CDC42BPA: variants seen among roughly 807,000 people sequenced by gnomAD.
CDC42BPA encodes the protein CDC42 binding protein kinase alpha, also known as serine/threonine-protein kinase MRCK alpha.
In CDC42BPA, 80 loss-of-function variants were observed where a neutral mutation model predicts 223.5. The observed-to-expected ratio is 0.36, with a 90% CI of 0.30 to 0.43. The LOEUF (loss-of-function observed/expected upper bound fraction) is 0.43, where lower values mean the gene tolerates loss of function less well. CDC42BPA is among the 20% of genes least tolerant of loss of function. The pLI, the probability that CDC42BPA is intolerant of heterozygous loss-of-function variation, is 1.00. For synonymous variants in CDC42BPA, 694 were observed against 718.6 expected, an observed-to-expected ratio of 0.97 and a Z score of 0.55; for missense variants, 1,743 against 2,099.9, an observed-to-expected ratio of 0.83 and a Z score of 3.32.
intron 16 of CDC42BPA, among the ~76,000 whole-genome samples, chr1:227,087,393 C>T (rs181693568): frequency 5.5e-4 from 84 of 152,162 alleles, no homozygotes; most frequent in African/African-American, 2.0e-3. Flanking sequence ...TTGGACTCTT[C>T]GTTTCATTAT....
At chr1:227,121,897 T>C (rs920983298) in intron 11 of CDC42BPA, among the ~76,000 whole-genome samples, 46 of 151,126 alleles carry the variant, frequency 3.0e-4, no homozygotes, top group African/African-American at 1.1e-3. Flanking sequence ...GCCTTCCAGG[T>C]TCAAGCAATT....
intron 5 of CDC42BPA, among the ~76,000 whole-genome samples, chr1:227,175,903 C>A (rs11808962): frequency 1.3e-5 from 2 of 152,076 alleles, no homozygotes; most frequent in Non-Finnish European, 2.9e-5. Flanking sequence ...CTCACTGCTA[C>A]GTGCTGGTCA....
In CDC42BPA at chr1:226,993,494, G is replaced by A. The variant is rs1455551386; in HGVS notation, c.*774C>T. 2.0e-5 allele frequency: 3 copies of A among 152,510 alleles called. No individual in the cohort carries two copies. Among genetic ancestry groups the A allele is most frequent in the Non-Finnish European group, 4.4e-5 (3 of 68,038 alleles). 9.4% of individuals were successfully genotyped at this position (152,510 alleles called of 1,614,324 possible). On this transcript the variant is annotated 3_prime_UTR_variant, in exon 37 of 37. Coordinates refer to ENST00000366766, the MANE Select transcript of CDC42BPA (RefSeq NM_001394014.1). ...TGCAAGTGTTTTCTACAGCTCCCCAGGTGACTAGAGCCTATGACCAGTTTG... is the reference window on the plus strand; with the variant it reads ...TGCAAGTGTTTTCTACAGCTCCCCAAGTGACTAGAGCCTATGACCAGTTTG...
chr1:227,289,961 CAGA>C (rs1329974194), intron 1 of CDC42BPA, among the ~76,000 whole-genome samples: 5 of 151,800 alleles, frequency 3.3e-5, no homozygotes, highest in African/African-American at 4.8e-5. Context: ...CACTTGAGCC[CAGA>C]AGTTTAAAGC....
intron 5 of CDC42BPA, among the ~76,000 whole-genome samples, chr1:227,186,392 T>C (rs1350415068): frequency 6.6e-6 from 1 of 152,092 alleles, no homozygotes; most frequent in Admixed American, 6.5e-5. Flanking sequence ...GCCTAATCTG[T>C]TTGGAATTTT....
Position 227,317,730 on chromosome 1 carries a change from T to G in CDC42BPA, c.-548A>C. ...TGCTGCAAATCCTCCCAACCACCACTTGGATAATGCATCAGCGGCAATTTC... is the reference window on the plus strand; with the variant it reads ...TGCTGCAAATCCTCCCAACCACCACGTGGATAATGCATCAGCGGCAATTTC... On this transcript the variant is annotated 5_prime_UTR_variant, in exon 1 of 37. Transcript: ENST00000366766. 2.5e-6 allele frequency: 1 copy of G among 398,380 alleles called. No homozygotes were observed. The highest frequency in any genetic ancestry group is 4.4e-5 in the Admixed American group (1 of 22,734). 24.7% of individuals were successfully genotyped at this position (398,380 alleles called of 1,614,324 possible).
rs1673464523 is a variant in CDC42BPA, at chr1:227,209,459, C to T, written c.354+3677G>A. 3.5e-5 allele frequency among the ~76,000 whole-genome samples: 5 copies of T among 142,418 alleles called. No individual in the cohort carries two copies. In the South Asian group the frequency reaches 6.7e-4, roughly 19 times the overall value. 93.4% of individuals were successfully genotyped at this position (142,418 alleles called of 152,430 possible). A position where few individuals can be genotyped will look rare whatever the true frequency, so the allele number is the denominator to read the frequency against. On this transcript the variant is annotated intron_variant, in intron 3 of 36. Transcript: ENST00000366766. ...CAGTTTTCAAAGGGAATGCTTCCAG[C>T]TTTTGTCCATTCAGTATGATATTGG...
rs376622333 is a variant in CDC42BPA, at chr1:227,288,707, T to C, written c.178+28298A>G. Among the ~76,000 whole-genome samples the C allele has an allele frequency of 4.7e-5, 7 of 150,168 alleles. No individual in the cohort carries two copies. In the South Asian group the frequency reaches 1.3e-3, roughly 27 times the overall value. On this transcript the variant is annotated intron_variant, in intron 1 of 36. Coordinates refer to ENST00000366766, the MANE Select transcript of CDC42BPA (RefSeq NM_001394014.1). ...CAAGACTCGGTCTCAAAAAAAAAAT[T>C]TTTAAGGCCAGGTGTGGTGGCTCAT...
chr1:227,316,759 CAT>C (rs758829708), intron 1 of CDC42BPA, among the ~76,000 whole-genome samples: 3 of 152,192 alleles, frequency 2.0e-5, no homozygotes, highest in Non-Finnish European at 4.4e-5. Context: ...GACCTAAAAA[CAT>C]AAGTTCTTCA....
At chr1:227,043,093 C>CA (rs146643273) in intron 23 of CDC42BPA, among the ~76,000 whole-genome samples, 11 of 152,154 alleles carry the variant, frequency 7.2e-5, no homozygotes, top group African/African-American at 2.4e-4. Context: ...TTCTTTTTTA[C>CA]AAAAAATTTT....
intron 32 of CDC42BPA, among the ~76,000 whole-genome samples, chr1:227,022,463 T>C (rs557513621): frequency 1.3e-5 from 2 of 152,260 alleles, no homozygotes; most frequent in South Asian, 2.1e-4. Context: ...AAATACATAA[T>C]GTACTGTAAA....
rs1275325486 is a variant in CDC42BPA at position 227,143,034 on chromosome 1, G to A, written c.1144-10C>T. The A allele has an allele frequency of 2.0e-6, 3 of 1,503,466 alleles. No individual in the cohort carries two copies. The highest frequency in any genetic ancestry group is 1.5e-5 in the African/African-American group (1 of 68,006). 93.1% of individuals were successfully genotyped at this position (1,503,466 alleles called of 1,614,324 possible). ...GTGGGGGCATCGTTTCCTAAAGGAG[G>A]AAAAAACATCTGGTAAGAAATAGAT... On this transcript the variant is annotated splice_polypyrimidine_tract_variant and intron_variant, in intron 8 of 36. Transcript: ENST00000366766.
Position 227,101,074 on chromosome 1 carries a change from G to A in CDC42BPA, c.2167C>T (p.His723Tyr). The change falls in exon 15 of 37, where the codon CAT (histidine) becomes TAT (tyrosine). Residue 723 changes from histidine (H) to tyrosine (Y), a missense_variant. By Grantham distance (83) the His-to-Tyr change is moderately conservative. This residue lies in a region of CDC42BPA where 464 missense variants were observed against 488.0 expected (regional missense o/e 0.95). Coordinates refer to ENST00000366766, the MANE Select transcript of CDC42BPA (RefSeq NM_001394014.1). ...GCAAGTTGCTGACCTTCTGAATCAT[G>A]CAGTTCTTTCTTAAGATTTTTTATT... ...NEIKNLKKEL[H>Y]DSEGQQLALN... 1 of 1,571,194 alleles carries A rather than the reference G, an allele frequency of 6.4e-7. No individual in the cohort carries two copies. Among genetic ancestry groups the A allele is most frequent in the Non-Finnish European group, 8.8e-7 (1 of 1,141,848 alleles).
intron 5 of CDC42BPA, among the ~76,000 whole-genome samples, chr1:227,166,502 C>T (rs1306649204): frequency 6.6e-6 from 1 of 152,166 alleles, no homozygotes; most frequent in Non-Finnish European, 1.5e-5. Context: ...AATTCACATA[C>T]TTTATCACCT....
At chr1:227,224,293 G>A (rs1241803943) in intron 2 of CDC42BPA, among the ~76,000 whole-genome samples, 2 of 151,228 alleles carry the variant, frequency 1.3e-5, no homozygotes, top group African/African-American at 2.4e-5. Context: ...GAGTGCAATG[G>A]TGCAGTCTCA....
At chr1:227,294,521 G>T (rs1196185531) in intron 1 of CDC42BPA, among the ~76,000 whole-genome samples, 2 of 151,984 alleles carry the variant, frequency 1.3e-5, no homozygotes, top group Non-Finnish European at 2.9e-5. Flanking sequence ...CACGAAGCAT[G>T]TGTAATAACT....
At position 227,243,477 on chromosome 1, in the gene CDC42BPA, G is replaced by T. The variant is rs572464407; in HGVS notation, c.270+10587C>A. On this transcript the variant is annotated intron_variant, in intron 2 of 36. Coordinates refer to ENST00000366766, the MANE Select transcript of CDC42BPA (RefSeq NM_001394014.1). ...AATCAGAAACCACAAAGAATAAAGTGAACTTTGACCTATACCTCAGAAAAC... is the reference window on the plus strand; with the variant it reads ...AATCAGAAACCACAAAGAATAAAGTTAACTTTGACCTATACCTCAGAAAAC... Among the ~76,000 whole-genome samples, 6 of 152,058 alleles carry T rather than the reference G, an allele frequency of 3.9e-5. No individual in the cohort carries two copies. The South Asian group carries it at 1.2e-3, about 32-fold the overall frequency.
chr1:227,279,623 A>G (rs1283746407), intron 1 of CDC42BPA, among the ~76,000 whole-genome samples: 1 of 152,140 alleles, frequency 6.6e-6, no homozygotes, highest in Admixed American at 6.6e-5. Flanking sequence ...AAGGCTTTAT[A>G]TTTGGAGACA....
At chr1:227,253,751 C>T (rs911163429) in intron 2 of CDC42BPA, among the ~76,000 whole-genome samples, 5 of 151,786 alleles carry the variant, frequency 3.3e-5, no homozygotes, top group African/African-American at 1.2e-4. Flanking sequence ...TATCAAGATT[C>T]CTTATAAACT....
Sources: allele counts gnomAD v4.1 joint callset (sites outside exome capture counted in the v4.1 genomes callset), GRCh38; gene constraint gnomAD v4.1.1; regional missense constraint gnomAD v4.1.1; transcripts MANE v1.5; gene names NCBI Gene and HGNC (gene_info 2026-07-23, HGNC 2026-07-21).